Variants in STXBP5 observed in about 807,000 individuals in gnomAD.
STXBP5 encodes syntaxin-binding protein 5.
A neutral mutation model predicts 152.4 loss-of-function variants in STXBP5; 50 were observed. The observed-to-expected ratio is 0.33, with a 90% CI of 0.26 to 0.42. The LOEUF (loss-of-function observed/expected upper bound fraction) is 0.42. STXBP5 is among the 10% of genes least tolerant of loss of function. STXBP5 has a pLI of 1.00. For missense variants in STXBP5, 1,167 were observed against 1,388.6 expected (o/e 0.84, Z 2.54); for synonymous variants, 492 against 494.7 (o/e 0.99, Z 0.07).
At chr6:147,352,997 G>C (rs1784657079) in intron 21 of STXBP5, among the ~76,000 whole-genome samples, 1 of 151,982 alleles carries the variant, frequency 6.6e-6, no homozygotes, top group Non-Finnish European at 1.5e-5. Flanking sequence ...ATCCAGAATA[G>C]CCAGGCACAG....
chr6:147,351,946 CATTCCT>C, intron 21 of STXBP5: 2 of 947,704 alleles, frequency 2.1e-6, no homozygotes, highest in East Asian at 1.2e-4. Context: ...CTAATATATT[CATTCCT>C]GTATTAACAA....
chr6:147,204,569 C>T lies in STXBP5; in HGVS notation c.37C>T (p.Leu13=), dbSNP rs757170882. The T allele has an allele frequency of 6.2e-7, 1 of 1,610,906 alleles. No homozygotes were observed. Among genetic ancestry groups the T allele is most frequent in the African/African-American group, 1.3e-5 (1 of 74,644 alleles). ...KFNIRKVLDG[L]TAGSSSASQQ... ...CAACATCAGGAAGGTGCTGGACGGC[C>T]TGACCGCCGGCTCGTCCTCGGCGTC... is the stretch of plus-strand genomic sequence containing the variant. Residue 13 remains leucine, a synonymous_variant, in exon 1 of 28, where the codon CTG becomes TTG. Coordinates refer to ENST00000321680, the MANE Select transcript of STXBP5 (RefSeq NM_001127715.4). This position sits in a 1 kb window ranked among gnomAD's most constrained non-coding sequence, Gnocchi z 4.3.
intron 4 of STXBP5, among the ~76,000 whole-genome samples, chr6:147,247,566 TAA>T: frequency 1.3e-5 from 2 of 152,278 alleles, no homozygotes; most frequent in Middle Eastern, 6.8e-3. Flanking sequence ...TTGAAACTGT[TAA>T]AGAAAGGATG....
intron 18 of STXBP5, among the ~76,000 whole-genome samples, chr6:147,331,839 C>CT (rs1420337239): frequency 1.4e-5 from 2 of 146,012 alleles, no homozygotes; most frequent in East Asian, 2.0e-4. Context: ...ACACAAAACT[C>CT]TAAGAGTGGC....
chr6:147,370,658 A>T (rs997090277), intron 25 of STXBP5, among the ~76,000 whole-genome samples: 4 of 152,148 alleles, frequency 2.6e-5, no homozygotes, highest in African/African-American at 9.6e-5. Context: ...ATACCAATTA[A>T]TTCAGTTTAA....
intron 16 of STXBP5, among the ~76,000 whole-genome samples, chr6:147,322,829 T>C (rs927491216): frequency 2.0e-5 from 3 of 152,242 alleles, no homozygotes; most frequent in Non-Finnish European, 4.4e-5. Context: ...TGAAGTTTTC[T>C]GGTACAAGTA....
intron 8 of STXBP5, among the ~76,000 whole-genome samples, chr6:147,280,433 A>G (rs1780648732): frequency 6.6e-6 from 1 of 152,190 alleles, no homozygotes; most frequent in Admixed American, 6.5e-5. Flanking sequence ...GTCTTCTGCT[A>G]GTTCTCTCCA....
chr6:147,204,690 G>T lies in STXBP5; in HGVS notation c.150+8G>T. ...CACTTTCAGCTCTGCAAGGTGAACG[G>T]AGCGCGCAGCCCCGCGACACCGTCA... is the stretch of plus-strand genomic sequence containing the variant. On this transcript the variant is annotated splice_region_variant and intron_variant, in intron 1 of 27. Coordinates refer to ENST00000321680, the MANE Select transcript of STXBP5 (RefSeq NM_001127715.4). This position sits in a 1 kb window ranked among gnomAD's most constrained non-coding sequence, Gnocchi z 4.3. 1 of 1,570,346 alleles carries T rather than the reference G, an allele frequency of 6.4e-7. No homozygotes were observed. Among genetic ancestry groups the T allele is most frequent in the South Asian group, 1.1e-5 (1 of 87,402 alleles).
rs768676732 is a variant in STXBP5, at chr6:147,373,752, A to G, written c.3103A>G (p.Thr1035Ala). The change falls in exon 26 of 28, where the codon ACT becomes GCT. Residue 1035 changes from threonine (T) to alanine (A), a missense_variant. Physicochemically the swap from Thr to Ala is moderately conservative, Grantham distance 58. Transcript: ENST00000321680. Reference protein sequence around the residue: ...NLQEMLGELFTPVETPEAPNR... With the variant: ...NLQEMLGELFAPVETPEAPNR... ...AAAGGAAATGTTGGGTGAACTCTTC[A>G]CTCCTGTAGAAACACCTGAAGCACC... The G allele has an allele frequency of 6.2e-7, 1 of 1,613,366 alleles. No individual in the cohort carries two copies. The highest frequency in any genetic ancestry group is 8.5e-7 in the Non-Finnish European group (1 of 1,179,624).
rs1348704653 is a variant in STXBP5 at position 147,388,304 on chromosome 6, ATAGATT to A, written c.*3552_*3557del. 1 of 151,790 alleles carries A rather than the reference ATAGATT, an allele frequency of 6.6e-6. No individual in the cohort carries two copies. Among genetic ancestry groups the A allele is most frequent in the East Asian group, 1.9e-4 (1 of 5,186 alleles). The allele number at this position is 151,790 out of a possible 1,614,324, so 9.4% of individuals were successfully genotyped here. ...TTTAAAACCTTTAATAGGGTTTTAT[ATAGATT>A]TAAAAAATAGTAAAATAATCTGCTG... is the stretch of plus-strand genomic sequence containing the variant. On this transcript the variant is annotated 3_prime_UTR_variant, in exon 28 of 28. Coordinates refer to ENST00000321680, the MANE Select transcript of STXBP5 (RefSeq NM_001127715.4).
At position 147,382,988 on chromosome 6, in the gene STXBP5, A is replaced by G. The variant is rs776355096; in HGVS notation, c.3404A>G (p.His1135Arg). The change falls in exon 27 of 28, where the codon CAT (histidine) becomes CGT (arginine). Residue 1135 changes from histidine to arginine, a missense_variant. Transcript: ENST00000321680. The stretch of plus-strand genomic sequence containing the variant: ...TCAAGTGCAGAGTCATTTTCTAAAC[A>G]TGCTCATGAGGTACGACTCTCAAAC... Reference protein sequence around the residue: ...MLSSAESFSKHAHEIMLKYKD... With the variant: ...MLSSAESFSKRAHEIMLKYKD... The G allele has an allele frequency of 1.2e-6, 2 of 1,613,368 alleles. No individual in the cohort carries two copies. Among genetic ancestry groups the G allele is most frequent in the Non-Finnish European group, 1.7e-6 (2 of 1,179,570 alleles).
At chr6:147,358,455 G>A (rs139730678) in intron 22 of STXBP5, among the ~76,000 whole-genome samples, 4 of 152,254 alleles carry the variant, frequency 2.6e-5, no homozygotes, top group African/African-American at 9.6e-5. Flanking sequence ...TCTGAGGAGT[G>A]TGGAGTTGTT....
At chr6:147,313,346 T>A (rs1322433061) in intron 11 of STXBP5, among the ~76,000 whole-genome samples, 1 of 152,218 alleles carries the variant, frequency 6.6e-6, no homozygotes, top group Non-Finnish European at 1.5e-5. Flanking sequence ...AAAGCATTTT[T>A]TGCTTTATTT....
At chr6:147,256,716 C>T (rs552921175) in intron 4 of STXBP5, among the ~76,000 whole-genome samples, 7 of 152,172 alleles carry the variant, frequency 4.6e-5, no homozygotes, top group South Asian at 2.1e-4. Context: ...AGAGGGAGTA[C>T]GCTGGGAATG....
In STXBP5 at chr6:147,389,621, T is replaced by C. The variant is rs1374812641; in HGVS notation, c.*4866T>C. On this transcript the variant is annotated 3_prime_UTR_variant, in exon 28 of 28. Coordinates refer to ENST00000321680, the MANE Select transcript of STXBP5 (RefSeq NM_001127715.4). Reference sequence around the variant, plus strand: ...CAGTATTTATTGTAGGTTGTTTGATTCAGGCATTTCAAATGGATATAGGTT... The same window carrying C: ...CAGTATTTATTGTAGGTTGTTTGATCCAGGCATTTCAAATGGATATAGGTT... 6.6e-6 allele frequency: 1 copy of C among 152,014 alleles called. No homozygotes were observed. Among genetic ancestry groups the C allele is most frequent in the South Asian group, 2.1e-4 (1 of 4,826 alleles). 9.4% of individuals were successfully genotyped at this position (152,014 alleles called of 1,614,324 possible).
chr6:147,269,083 C>T (rs1480693092), intron 7 of STXBP5, among the ~76,000 whole-genome samples: 3 of 152,148 alleles, frequency 2.0e-5, no homozygotes, highest in Non-Finnish European at 4.4e-5. Flanking sequence ...AAAAGGACCC[C>T]TGCCCTGAGT....
In STXBP5 at chr6:147,387,892, A is replaced by T. The variant is rs1282029183; in HGVS notation, c.*3137A>T. On this transcript the variant is annotated 3_prime_UTR_variant, in exon 28 of 28. Transcript: ENST00000321680. Reference sequence around the variant, plus strand: ...AAGTCTGAAAGTGTTACATACTTTTAGGTTACAGGGGTGCTGGGGAGACAG... The same window carrying T: ...AAGTCTGAAAGTGTTACATACTTTTTGGTTACAGGGGTGCTGGGGAGACAG... 1.3e-5 allele frequency: 2 copies of T among 151,616 alleles called. No homozygotes were observed. Among genetic ancestry groups the T allele is most frequent in the Non-Finnish European group, 3.0e-5 (2 of 67,700 alleles). 9.4% of individuals were successfully genotyped at this position (151,616 alleles called of 1,614,324 possible). A position where few individuals can be genotyped will look rare whatever the true frequency, so the allele number is the denominator to read the frequency against.
intron 2 of STXBP5, among the ~76,000 whole-genome samples, chr6:147,207,532 A>C (rs1776632425): frequency 6.6e-6 from 1 of 152,182 alleles, no homozygotes; most frequent in African/African-American, 2.4e-5. Flanking sequence ...CTCAGTGATC[A>C]AGACCATCTA....
chr6:147,303,600 G>A (rs905290650), intron 9 of STXBP5, among the ~76,000 whole-genome samples: 6 of 152,202 alleles, frequency 3.9e-5, no homozygotes, highest in African/African-American at 7.2e-5. Context: ...TGGGTAACAC[G>A]CAGAAGTTGG....
Sources: gnomAD v4.1 joint callset for allele counts (sites outside exome capture counted in the v4.1 genomes callset) on GRCh38, gnomAD v4.1.1 for gene constraint, Gnocchi (gnomAD v3.1) non-coding constraint, MANE v1.5 for transcripts, NCBI Gene and HGNC (gene_info 2026-07-23, HGNC 2026-07-21) for gene names.